The following CPNE9 variants were observed in gnomAD, a reference collection of about 807,000 sequenced individuals.
CPNE9 encodes copine-9.
In CPNE9, 59 loss-of-function variants were observed where a neutral mutation model predicts 83.0. The ratio of observed to expected loss-of-function variants is 0.71; its 90% CI spans 0.58 to 0.88. The LOEUF (loss-of-function observed/expected upper bound fraction) is 0.88. CPNE9 is among the 40% of genes least tolerant of loss of function. The pLI is 0.00. For synonymous variants in CPNE9, 256 were observed against 273.4 expected, an observed-to-expected ratio of 0.94 and a Z score of 0.63; for missense variants, 619 against 720.8, an observed-to-expected ratio of 0.86 and a Z score of 1.62.
rs1178178044 is a variant in CPNE9 at position 9,715,321 on chromosome 3, A to G, written c.725A>G (p.Tyr242Cys). ...HDFIGEFTTS[Y>C]RELSKAQNQF... is the part of the protein sequence containing the mutation. Reference sequence around the variant, plus strand: ...TTCATTGGTGAGTTCACCACCAGCTACCGGGAGCTGAGCAAGGCCCAGAAC... The same window carrying G: ...TTCATTGGTGAGTTCACCACCAGCTGCCGGGAGCTGAGCAAGGCCCAGAAC... Residue 242 changes from tyrosine to cysteine, a missense_variant, in exon 12 of 21, where the codon TAC (tyrosine) becomes TGC (cysteine). Tyr to Cys is a radical substitution (Grantham distance 194). This residue lies in a region of CPNE9 where 438 missense variants were observed against 562.9 expected (regional missense o/e 0.78). Coordinates refer to ENST00000383832, the MANE Select transcript of CPNE9 (RefSeq NM_153635.3). 6.2e-7 allele frequency: 1 copy of G among 1,614,212 alleles called. No homozygotes were observed. Among genetic ancestry groups the G allele is most frequent in the Admixed American group, 1.7e-5 (1 of 60,024 alleles).
chr3:9,724,720 CTAT>C (rs1449479346), intron 17 of CPNE9, among the ~76,000 whole-genome samples: 1 of 1,134 alleles, frequency 8.8e-4, no homozygotes, highest in African/African-American at 5.5e-3. Flanking sequence ...CATCAGGATC[CTAT>C]CTATCTATCT....
At chr3:9,714,995 C>G in intron 11 of CPNE9, 40 bp downstream of exon 11, 1 of 1,576,852 alleles carries the variant, frequency 6.3e-7, no homozygotes, top group Non-Finnish European at 8.7e-7. Context: ...TGTACTTGAC[C>G]CAAGCAGTTC....
intron 17 of CPNE9, among the ~76,000 whole-genome samples, chr3:9,722,162 C>CG (rs2076740119): frequency 6.6e-6 from 1 of 151,002 alleles, no homozygotes; most frequent in Non-Finnish European, 1.5e-5. Flanking sequence ...GGTGATCCAC[C>CG]CCCCCCCGCC....
chr3:9,705,731 A>G lies in CPNE9; in HGVS notation c.300+11A>G. On this transcript the variant is annotated intron_variant, in intron 6 of 20. Transcript: ENST00000383832. ...TGGGACCTGCAGAAGGTGAGGCTGA[A>G]TGGGGCTGGGCAGAGGTTGGGGGTG... 1.3e-6 allele frequency: 2 copies of G among 1,544,294 alleles called. No individual in the cohort carries two copies. Among genetic ancestry groups the G allele is most frequent in the Non-Finnish European group, 9.0e-7 (1 of 1,116,120 alleles).
chr3:9,708,539 C>T (rs1057052650), intron 7 of CPNE9, among the ~76,000 whole-genome samples: 1 of 152,204 alleles, frequency 6.6e-6, no homozygotes, highest in Non-Finnish European at 1.5e-5. Context: ...TGGGAATTGG[C>T]CATTGCATTT....
intron 14 of CPNE9, 61 bp downstream of exon 14, chr3:9,716,096 C>T: frequency 6.9e-7 from 1 of 1,440,344 alleles, no homozygotes. Context: ...CAGTTCTGAG[C>T]CCCAGGTTTC....
In CPNE9 at chr3:9,725,994, C is replaced by G. The variant is rs763678190; in HGVS notation, c.1287C>G (p.Leu429=). 4 of 1,613,072 alleles carry G rather than the reference C, an allele frequency of 2.5e-6. No individual in the cohort carries two copies. The highest frequency in any genetic ancestry group is 3.4e-6 in the Non-Finnish European group (4 of 1,179,554). The change falls in exon 18 of 21, where the codon CTC becomes CTG. Residue 429 remains leucine, a synonymous_variant. Coordinates refer to ENST00000383832, the MANE Select transcript of CPNE9 (RefSeq NM_153635.3). ...ISDGSQYYVL[L]IITDGVISDM... ...ATGGCTCCCAGTACTATGTTCTGCT[C>G]ATCATCACTGATGGGGTCATCTCTG...
intron 11 of CPNE9, 132 bp downstream of exon 11, chr3:9,715,087 G>T: frequency 1.1e-6 from 1 of 918,948 alleles, no homozygotes; most frequent in Non-Finnish European, 1.7e-6. Flanking sequence ...CCAGTGTCTT[G>T]GGTACAACTG....
chr3:9,729,587 C>T lies in CPNE9; in HGVS notation c.1557C>T (p.Ala519=), dbSNP rs937966755. The change falls in exon 21 of 21, where the codon GCC becomes GCT. Residue 519 remains alanine, a synonymous_variant. Coordinates refer to ENST00000383832, the MANE Select transcript of CPNE9 (RefSeq NM_153635.3). ...SMARLAKDVL[A]EIPEQLLSYM... is the part of the protein sequence containing the mutation. ...CCCGACTGGCCAAGGATGTGCTGGC[C>T]GAGATCCCGGAGCAGCTGCTGTCCT... 4 of 1,614,022 alleles carry T rather than the reference C, an allele frequency of 2.5e-6. No homozygotes were observed. The highest frequency in any genetic ancestry group is 1.3e-5 in the African/African-American group (1 of 74,890).
rs1356175193 is a variant in CPNE9, at chr3:9,715,331, G to A, written c.735G>A (p.Leu245=). ...AGTTCACCACCAGCTACCGGGAGCT[G>A]AGCAAGGCCCAGAACCAGTTCACAG... ...IGEFTTSYRE[L]SKAQNQFTVY... is the part of the protein sequence containing the mutation. Residue 245 remains leucine (L), a synonymous_variant, in exon 12 of 21, where the codon CTG becomes CTA. Coordinates refer to ENST00000383832, the MANE Select transcript of CPNE9 (RefSeq NM_153635.3). 6 of 1,614,206 alleles carry A rather than the reference G, an allele frequency of 3.7e-6. No individual in the cohort carries two copies. The highest frequency in any genetic ancestry group is 3.3e-5 in the Admixed American group (2 of 60,022).
chr3:9,722,204 C>T (rs2125473690), intron 17 of CPNE9, among the ~76,000 whole-genome samples: 1 of 146,304 alleles, frequency 6.8e-6, no homozygotes. Context: ...GGATTACAGG[C>T]ATGAGCCACT....
At chr3:9,716,732 A>G (rs1050673303) in intron 14 of CPNE9, among the ~76,000 whole-genome samples, 1 of 152,246 alleles carries the variant, frequency 6.6e-6, no homozygotes, top group African/African-American at 2.4e-5. Context: ...TCAGCCTCCC[A>G]AAGTGCTGAT....
At chr3:9,709,406 C>T (rs2076600875) in intron 7 of CPNE9, among the ~76,000 whole-genome samples, 1 of 147,916 alleles carries the variant, frequency 6.8e-6, no homozygotes, top group Non-Finnish European at 1.5e-5. Context: ...CTCTGTCGCC[C>T]AGGCTGGAGT....
intron 17 of CPNE9, among the ~76,000 whole-genome samples, chr3:9,724,915 C>A (rs986553117): frequency 6.6e-6 from 1 of 152,100 alleles, no homozygotes; most frequent in Admixed American, 6.5e-5. Flanking sequence ...CACCACCACG[C>A]CTGGCTAGTT....
At chr3:9,716,979 T>C (rs1559641685) in intron 14 of CPNE9, 79 bp from the exon 15 acceptor site, 1 of 1,451,600 alleles carries the variant, frequency 6.9e-7, no homozygotes, top group East Asian at 2.3e-5. Context: ...ACGTGATCCA[T>C]ATGCACATTA....
At chr3:9,711,001 C>A (rs573114097) in intron 7 of CPNE9, among the ~76,000 whole-genome samples, 351 of 151,928 alleles carry the variant, frequency 2.3e-3, no homozygotes, top group Admixed American at 6.8e-3. Context: ...TGTACTCCAG[C>A]CTGGGTAATA....
chr3:9,712,604 G>A lies in CPNE9; in HGVS notation c.441G>A (p.Arg147=). ...CTGCAGAAGAGCTTAGCAATTGTCG[G>A]GTCAGTAAGGGCCACATGCTAGACC... ...LLTAEELSNC[R]DIATMQLCAN... Residue 147 remains arginine, a splice_region_variant and synonymous_variant, in exon 8 of 21, where the codon CGG becomes CGA. Transcript: ENST00000383832. 1 of 1,613,826 alleles carries A rather than the reference G, an allele frequency of 6.2e-7. No individual in the cohort carries two copies. Among genetic ancestry groups the A allele is most frequent in the Non-Finnish European group, 8.5e-7 (1 of 1,179,744 alleles).
At chr3:9,717,391 G>A (rs1281972612) in intron 15 of CPNE9, among the ~76,000 whole-genome samples, 2 of 152,204 alleles carry the variant, frequency 1.3e-5, no homozygotes, top group Non-Finnish European at 2.9e-5. Context: ...AGTCATGAAT[G>A]GATGCATAGA....
intron 17 of CPNE9, among the ~76,000 whole-genome samples, chr3:9,720,749 TTA>T (rs2076726777): frequency 1.3e-5 from 2 of 152,226 alleles, no homozygotes; most frequent in South Asian, 4.1e-4. Flanking sequence ...TTCTTAAATA[TTA>T]TCTTATGCAA....
Sources: gnomAD v4.1 joint callset for allele counts (sites outside exome capture counted in the v4.1 genomes callset) on GRCh38, gnomAD v4.1.1 for gene constraint, gnomAD v4.1.1 regional missense constraint, MANE v1.5 for transcripts, NCBI Gene and HGNC (gene_info 2026-07-23, HGNC 2026-07-21) for gene names.